Variants in RARB observed in about 807,000 individuals in gnomAD.
RARB encodes retinoic acid receptor beta.
RARB carries 17 observed loss-of-function variants against 51.9 expected under a neutral mutation model. That is an observed-to-expected ratio of 0.33 (90% CI 0.22 to 0.49). RARB has a LOEUF of 0.49. RARB is among the 20% of genes least tolerant of loss of function. The probability of loss-of-function intolerance (pLI) is 0.99; values close to 1 mark genes in which losing one functional copy is unlikely to be tolerated. For missense variants in RARB, 369 were observed against 550.8 expected (o/e 0.67, Z 3.30); for synonymous variants, 215 against 195.4 (o/e 1.10, Z -0.84).
intron 2 of RARB, among the ~76,000 whole-genome samples, chr3:25,007,346 C>T (rs1040446354): frequency 1.3e-5 from 2 of 151,992 alleles, no homozygotes; most frequent in African/African-American, 2.4e-5. Context: ...ACACTCATGG[C>T]CGGGTGTAGT....
At chr3:25,243,360 TG>T (rs1702478274) in intron 5 of RARB, among the ~76,000 whole-genome samples, 1 of 152,184 alleles carries the variant, frequency 6.6e-6, no homozygotes, top group Admixed American at 6.5e-5. Context: ...ATAGGAGTGG[TG>T]AGAGAGGACA....
At chr3:25,583,455 G>A (rs1196765422) in intron 5 of RARB, among the ~76,000 whole-genome samples, 2 of 152,338 alleles carry the variant, frequency 1.3e-5, no homozygotes, top group African/African-American at 2.4e-5. Context: ...TCAGAGCCAC[G>A]TGTCTCGTGT....
chr3:25,013,530 T>A (rs531486910), intron 2 of RARB, among the ~76,000 whole-genome samples: 40 of 152,228 alleles, frequency 2.6e-4, no homozygotes, highest in Admixed American at 2.4e-3. Flanking sequence ...TCATGCTTGG[T>A]ACTGCTTCCT....
intron 5 of RARB, among the ~76,000 whole-genome samples, chr3:25,348,826 C>A (rs1004110367): frequency 1.3e-5 from 2 of 152,144 alleles, no homozygotes; most frequent in African/African-American, 2.4e-5. Context: ...GTTTGTAACT[C>A]CCAAAGTTTC....
intron 5 of RARB, among the ~76,000 whole-genome samples, chr3:25,238,154 C>CCA (rs1553647345): frequency 6.6e-6 from 1 of 151,058 alleles, no homozygotes; most frequent in Non-Finnish European, 1.5e-5. Flanking sequence ...TCCAGCGCCC[C>CCA]CCCACACATC....
chr3:25,370,061 T>C (rs1706252350), intron 5 of RARB, among the ~76,000 whole-genome samples: 1 of 152,112 alleles, frequency 6.6e-6, no homozygotes, highest in South Asian at 2.1e-4. Context: ...TATGTATACA[T>C]TTACAGAGAG....
At chr3:25,143,457 C>G (rs997944644) in intron 4 of RARB, among the ~76,000 whole-genome samples, 1 of 152,144 alleles carries the variant, frequency 6.6e-6, no homozygotes, top group East Asian at 1.9e-4. Context: ...GAGGCCCACC[C>G]GATCCAAAAG....
intron 2 of RARB, among the ~76,000 whole-genome samples, chr3:25,483,527 CTTTT>C (rs199602182): frequency 2.7e-3 from 306 of 113,664 alleles, no homozygotes; most frequent in African/African-American, 5.8e-3. Context: ...CATATTTCTT[CTTTT>C]TTTTTTTTTT....
chr3:25,446,922 A>G (rs1708973151), intron 1 of RARB, among the ~76,000 whole-genome samples: 1 of 151,312 alleles, frequency 6.6e-6, no homozygotes, highest in Admixed American at 6.6e-5. Context: ...GGATGAACTC[A>G]CTTTCAGTTC....
chr3:25,010,649 T>G (rs773886478), intron 2 of RARB, among the ~76,000 whole-genome samples: 48 of 152,184 alleles, frequency 3.2e-4, no homozygotes, highest in Admixed American at 5.9e-4. Flanking sequence ...ACCCCCACAG[T>G]ACCCCTGTGA....
At chr3:25,194,407 A>G (rs1701180057) in intron 5 of RARB, among the ~76,000 whole-genome samples, 1 of 151,692 alleles carries the variant, frequency 6.6e-6, no homozygotes, top group Admixed American at 6.6e-5. Context: ...ACAAAAAGGT[A>G]TCTATGGAAG....
intron 2 of RARB, among the ~76,000 whole-genome samples, chr3:25,047,049 A>C (rs1698232595): frequency 6.6e-6 from 1 of 152,190 alleles, no homozygotes; most frequent in Admixed American, 6.5e-5. Flanking sequence ...CACCCTTGTC[A>C]CTAAGAGCTC....
chr3:25,393,268 T>C (rs1418230413), intron 5 of RARB, among the ~76,000 whole-genome samples: 1 of 152,170 alleles, frequency 6.6e-6, no homozygotes, highest in African/African-American at 2.4e-5. Flanking sequence ...TATCTTTTGA[T>C]AGGCTGTTGG....
chr3:25,575,437 T>C (rs1047423555), intron 4 of RARB, among the ~76,000 whole-genome samples: 1 of 152,186 alleles, frequency 6.6e-6, no homozygotes, highest in Non-Finnish European at 1.5e-5. Flanking sequence ...ACTGGGTGGC[T>C]TGAGACAACA....
At chr3:25,330,377 A>G (rs940642684) in intron 5 of RARB, among the ~76,000 whole-genome samples, 2 of 152,244 alleles carry the variant, frequency 1.3e-5, no homozygotes, top group Admixed American at 6.5e-5. Flanking sequence ...CTTAAAGAAA[A>G]GAATTTTCAA....
At chr3:25,175,610 C>T (rs926125530) in intron 5 of RARB, among the ~76,000 whole-genome samples, 23 of 152,120 alleles carry the variant, frequency 1.5e-4, no homozygotes, top group African/African-American at 5.1e-4. Flanking sequence ...ACATTGCCTT[C>T]AAAAATAGTA....
At chr3:25,325,681 G>A (rs1704695065) in intron 5 of RARB, among the ~76,000 whole-genome samples, 2 of 151,892 alleles carry the variant, frequency 1.3e-5, no homozygotes, top group East Asian at 3.9e-4. Context: ...TGTATAAATG[G>A]AATGTTGTGG....
At chr3:25,190,005 G>A (rs2125362807) in intron 5 of RARB, among the ~76,000 whole-genome samples, 1 of 152,184 alleles carries the variant, frequency 6.6e-6, no homozygotes, top group Non-Finnish European at 1.5e-5. Flanking sequence ...ACTGAATGAA[G>A]TAATGTTTAG....
At chr3:25,155,848 A>G (rs1700364863) in intron 4 of RARB, among the ~76,000 whole-genome samples, 1 of 152,082 alleles carries the variant, frequency 6.6e-6, no homozygotes, top group Non-Finnish European at 1.5e-5. Context: ...GCTCCTTTCT[A>G]TAGGAAAGGG....
Sources: allele counts gnomAD v4.1 joint callset (sites outside exome capture counted in the v4.1 genomes callset), GRCh38; gene constraint gnomAD v4.1.1; transcripts MANE v1.5; gene names NCBI Gene and HGNC (gene_info 2026-07-23, HGNC 2026-07-21).